The following COLQ variants were observed in gnomAD, a reference collection of about 807,000 sequenced individuals.
COLQ encodes the protein collagen like tail subunit of asymmetric acetylcholinesterase.
Under a neutral mutation model 69.0 loss-of-function variants are expected in COLQ, and 48 were observed. The observed-to-expected ratio is 0.70, with a 90% CI of 0.55 to 0.88. The LOEUF (loss-of-function observed/expected upper bound fraction) is 0.88. Among genes scored for constraint, COLQ ranks in the 40% least tolerant of loss-of-function variants. The pLI, the probability that COLQ is intolerant of heterozygous loss-of-function variation, is 0.00. For missense variants in COLQ, 618 were observed against 594.6 expected (o/e 1.04, Z -0.41); for synonymous variants, 217 against 211.2 (o/e 1.03, Z -0.24).
intron 1 of COLQ, among the ~76,000 whole-genome samples, chr3:15,505,810 G>C (rs2125170101): frequency 6.6e-6 from 1 of 152,350 alleles, no homozygotes; most frequent in Admixed American, 6.5e-5. Flanking sequence ...TGACTGCGTG[G>C]AAAGACCCTG....
At chr3:15,454,978 C>T (rs1235694107) in intron 15 of COLQ, among the ~76,000 whole-genome samples, 3 of 151,994 alleles carry the variant, frequency 2.0e-5, no homozygotes, top group African/African-American at 7.2e-5. Flanking sequence ...CCCTGAGCTT[C>T]TTGAGAGCAA....
intron 1 of COLQ, among the ~76,000 whole-genome samples, chr3:15,497,037 T>G (rs1386047284): frequency 1.5e-5 from 1 of 66,672 alleles, no homozygotes; most frequent in African/African-American, 8.2e-5. Context: ...TCCTTTTGCC[T>G]TTTTTTTTTT....
rs2062364649 is a variant in COLQ at position 15,475,491 on chromosome 3, T to C, written c.466-4A>G. ...TACCCAGGTCACCTTTTTCACCCTG[T>C]GGGAATTAGAAGAAGAAAAGACCCA... On this transcript the variant is annotated splice_polypyrimidine_tract_variant and splice_region_variant and intron_variant, in intron 6 of 16. Transcript: ENST00000383788. 16 of 1,591,750 alleles carry C rather than the reference T, an allele frequency of 1.0e-5. No individual in the cohort carries two copies. The highest frequency in any genetic ancestry group is 1.4e-5 in the Non-Finnish European group (16 of 1,167,472).
intron 6 of COLQ, 48 bp downstream of exon 6, chr3:15,477,078 C>T (rs775676203): frequency 3.1e-5 from 48 of 1,525,146 alleles, no homozygotes; most frequent in East Asian, 7.0e-5. Context: ...CCATCTTCCC[C>T]CCTCTTGTTT....
chr3:15,482,949 G>A (rs2062514509), intron 3 of COLQ, among the ~76,000 whole-genome samples: 1 of 152,204 alleles, frequency 6.6e-6, no homozygotes, highest in African/African-American at 2.4e-5. Flanking sequence ...GAGGGTGTAT[G>A]TGTCCAGGAA....
intron 5 of COLQ, among the ~76,000 whole-genome samples, chr3:15,478,289 T>C (rs1298198616): frequency 6.6e-6 from 1 of 152,244 alleles, no homozygotes; most frequent in East Asian, 1.9e-4. Context: ...TGTTTAAGGA[T>C]CTTGTGGACC....
At position 15,494,536 on chromosome 3, in the gene COLQ, G is replaced by A. The variant is rs142765867; in HGVS notation, c.107-4899C>T. On this transcript the variant is annotated intron_variant, in intron 1 of 16. Transcript: ENST00000383788. ...AGGCACTGGGCCAGGCCTGTGGGAAGCAGAAAGTACCTAAATGGCATCTGT... is the reference window on the plus strand; with the variant it reads ...AGGCACTGGGCCAGGCCTGTGGGAAACAGAAAGTACCTAAATGGCATCTGT... Among the ~76,000 whole-genome samples the A allele has an allele frequency of 7.9e-4, 120 of 152,282 alleles. 2 individuals carry two copies. In the East Asian group the frequency reaches 0.02, roughly 25 times the overall value.
intron 14 of COLQ, 85 bp downstream of exon 14, chr3:15,456,375 C>A: frequency 6.3e-7 from 1 of 1,579,618 alleles, no homozygotes; most frequent in East Asian, 2.2e-5. Context: ...CTCCCCAGGC[C>A]CAGTGGGGTG....
chr3:15,492,961 C>T (rs915499562), intron 1 of COLQ, among the ~76,000 whole-genome samples: 4 of 152,210 alleles, frequency 2.6e-5, no homozygotes, highest in African/African-American at 9.6e-5. Context: ...TCCATAGAAC[C>T]CAGCACTCAA....
intron 1 of COLQ, among the ~76,000 whole-genome samples, chr3:15,513,452 C>G (rs910825943): frequency 6.6e-6 from 1 of 152,140 alleles, no homozygotes; most frequent in African/African-American, 2.4e-5. Context: ...TTGGGGTAAG[C>G]AGGAAGAAGA....
At chr3:15,484,355 G>A (rs977536279) in intron 3 of COLQ, among the ~76,000 whole-genome samples, 4 of 152,200 alleles carry the variant, frequency 2.6e-5, no homozygotes, top group African/African-American at 9.6e-5. Context: ...GGTACCAGTT[G>A]TTCCTTTCCA....
At chr3:15,516,898 T>C (rs960626226) in intron 1 of COLQ, among the ~76,000 whole-genome samples, 1 of 152,158 alleles carries the variant, frequency 6.6e-6, no homozygotes, top group East Asian at 1.9e-4. Context: ...TCCCAGCACT[T>C]TGGGAGGTCA....
At chr3:15,518,758 C>T (rs901961501) in intron 1 of COLQ, among the ~76,000 whole-genome samples, 2 of 152,198 alleles carry the variant, frequency 1.3e-5, no homozygotes, top group East Asian at 1.9e-4. Flanking sequence ...CACACGCCAC[C>T]TGTGTTTCAA....
At chr3:15,488,386 C>T in intron 2 of COLQ, 79 bp from the exon 3 acceptor site, 1 of 1,194,806 alleles carries the variant, frequency 8.4e-7, no homozygotes, top group Non-Finnish European at 1.2e-6. Context: ...CACAGACCTG[C>T]TCCGGGATCA....
chr3:15,489,640 G>A lies in COLQ; in HGVS notation c.107-3C>T. On this transcript the variant is annotated splice_polypyrimidine_tract_variant and splice_region_variant and intron_variant, in intron 1 of 16. Coordinates refer to ENST00000383788, the MANE Select transcript of COLQ (RefSeq NM_005677.4). ...CTTCTGATCCAGGCTGGGAAGGGCT[G>A]TTCAGAGAAAACTGCCGCTCGTTAG... The A allele has an allele frequency of 6.2e-7, 1 of 1,613,776 alleles. No homozygotes were observed. The highest frequency in any genetic ancestry group is 8.5e-7 in the Non-Finnish European group (1 of 1,179,784).
At chr3:15,466,273 C>T (rs1453319258) in intron 12 of COLQ, 68 bp downstream of exon 12, 2 of 1,122,400 alleles carry the variant, frequency 1.8e-6, no homozygotes, top group Non-Finnish European at 2.7e-6. Context: ...CTGGCATCTC[C>T]TTGTGCCCTC....
intron 10 of COLQ, among the ~76,000 whole-genome samples, chr3:15,471,972 T>G (rs1277633459): frequency 6.6e-6 from 1 of 151,526 alleles, no homozygotes; most frequent in East Asian, 2.0e-4. Context: ...AAGCAGCATT[T>G]TTTTTTTTTT....
Position 15,488,285 on chromosome 3 carries a change from T to C in COLQ, c.242A>G (p.Asn81Ser), listed in dbSNP as rs777215134. 3.5e-5 allele frequency: 56 copies of C among 1,613,514 alleles called. 2 individuals are homozygous for C. Among genetic ancestry groups the C allele is most frequent in the Non-Finnish European group, 4.2e-6 (5 of 1,179,988 alleles). Reference sequence around the variant, plus strand: ...CGAGGTCTCCAGTTCCAGCATGAGATTCTTCATGTCTGGGGAGAGAAGCTT... The same window carrying C: ...CGAGGTCTCCAGTTCCAGCATGAGACTCTTCATGTCTGGGGAGAGAAGCTT... ...RSPLLSPDMKNLMLELETSQS... is the reference protein window; with the variant it reads ...RSPLLSPDMKSLMLELETSQS... Residue 81 changes from asparagine to serine, a missense_variant, in exon 3 of 17, where the codon AAT (asparagine) becomes AGT (serine). Physicochemically the swap from Asn to Ser is conservative, Grantham distance 46. Transcript: ENST00000383788.
intron 1 of COLQ, among the ~76,000 whole-genome samples, chr3:15,506,404 TAA>T (rs1236296346): frequency 6.6e-6 from 1 of 152,174 alleles, no homozygotes; most frequent in Non-Finnish European, 1.5e-5. Context: ...AAGTATACAT[TAA>T]AATTCTTTCT....
Sources: allele counts gnomAD v4.1 joint callset (sites outside exome capture counted in the v4.1 genomes callset), GRCh38; gene constraint gnomAD v4.1.1; transcripts MANE v1.5; gene names NCBI Gene and HGNC (gene_info 2026-07-23, HGNC 2026-07-21).